Variants in KCNN2 observed in about 807,000 individuals in gnomAD.
The protein encoded by KCNN2 is small conductance calcium-activated potassium channel protein 2.
A neutral mutation model predicts 55.5 loss-of-function variants in KCNN2; 24 were observed. That is an observed-to-expected ratio of 0.43 (90% CI 0.31 to 0.61). The LOEUF (loss-of-function observed/expected upper bound fraction) is 0.61. Ranked by LOEUF, KCNN2 falls within the 20% of genes least tolerant of loss-of-function variation. KCNN2 has a pLI of 0.08. For missense variants in KCNN2, 754 were observed against 853.6 expected (o/e 0.88, Z 1.45); for synonymous variants, 431 against 336.1 (o/e 1.28, Z -3.09).
intron 1 of KCNN2, among the ~76,000 whole-genome samples, chr5:114,106,545 GT>G (rs1051958760): frequency 3.5e-5 from 5 of 143,834 alleles, no homozygotes; most frequent in East Asian, 2.1e-4. Flanking sequence ...ATTCTTGTTT[GT>G]TTTTTTTAAA....
chr5:114,486,749 C>T (rs1253730085), intron 5 of KCNN2: 5 of 1,298,918 alleles, frequency 3.8e-6, no homozygotes, highest in East Asian at 1.0e-4. Context: ...GAGAACTCAA[C>T]ACCCCTTGAT....
intron 3 of KCNN2, among the ~76,000 whole-genome samples, chr5:114,434,825 C>T (rs1267038406): frequency 6.6e-6 from 1 of 152,094 alleles, no homozygotes; most frequent in Non-Finnish European, 1.5e-5. Context: ...CCAGATCACT[C>T]CGGGGGGAGA....
chr5:114,214,613 C>T (rs1273253900), intron 1 of KCNN2, among the ~76,000 whole-genome samples: 1 of 152,030 alleles, frequency 6.6e-6, no homozygotes, highest in Non-Finnish European at 1.5e-5. Context: ...GGAGGACTCC[C>T]CACAATTCCT....
At chr5:114,435,411 C>A (rs1167537740) in intron 3 of KCNN2, among the ~76,000 whole-genome samples, 1 of 151,272 alleles carries the variant, frequency 6.6e-6, no homozygotes, top group Non-Finnish European at 1.5e-5. Context: ...TTTTTATTTT[C>A]TTGTTGTGAG....
intron 2 of KCNN2, among the ~76,000 whole-genome samples, chr5:114,355,987 A>G (rs1477148785): frequency 6.6e-6 from 1 of 152,122 alleles, no homozygotes; most frequent in African/African-American, 2.4e-5. Context: ...CAACAAGAGG[A>G]CAATAGTTAA....
chr5:114,487,290 TC>T, intron 6 of KCNN2, 113 bp downstream of exon 6: 1 of 931,742 alleles, frequency 1.1e-6, no homozygotes, highest in Non-Finnish European at 1.6e-6. Flanking sequence ...TCATGTTTAT[TC>T]CCAGAAGATG....
chr5:114,106,706 A>G (rs1329789753), intron 1 of KCNN2, among the ~76,000 whole-genome samples: 3 of 145,616 alleles, frequency 2.1e-5, no homozygotes, highest in South Asian at 4.3e-4. Context: ...TGCCTGCTGC[A>G]TACTTTTACT....
At chr5:114,433,102 C>T (rs1488694671) in intron 3 of KCNN2, among the ~76,000 whole-genome samples, 1 of 152,238 alleles carries the variant, frequency 6.6e-6, no homozygotes, top group East Asian at 1.9e-4. Flanking sequence ...GCTCCACCTG[C>T]AGCCCCTGTG....
chr5:114,474,698 A>T (rs1472190772), intron 5 of KCNN2, among the ~76,000 whole-genome samples: 1 of 152,192 alleles, frequency 6.6e-6, no homozygotes, highest in Non-Finnish European at 1.5e-5. Context: ...ATGCTGGGAC[A>T]ATTTGTGTTT....
chr5:114,266,071 TA>T (rs1755203322), intron 2 of KCNN2, among the ~76,000 whole-genome samples: 1 of 152,208 alleles, frequency 6.6e-6, no homozygotes, highest in African/African-American at 2.4e-5. Flanking sequence ...ATTCTATTTT[TA>T]TTTTTTAATA....
chr5:114,142,466 T>G (rs62382863), intron 1 of KCNN2, among the ~76,000 whole-genome samples: 2 of 152,010 alleles, frequency 1.3e-5, no homozygotes, highest in African/African-American at 4.8e-5. Flanking sequence ...ATATTTAGAA[T>G]ACGCCATCAT....
At chr5:114,429,135 G>T (rs1045590222) in intron 3 of KCNN2, among the ~76,000 whole-genome samples, 4 of 152,000 alleles carry the variant, frequency 2.6e-5, no homozygotes, top group African/African-American at 9.7e-5. Flanking sequence ...GTTTTGTAAG[G>T]AACTGAAAAA....
At chr5:114,091,545 C>A (rs1751144222) in intron 1 of KCNN2, among the ~76,000 whole-genome samples, 2 of 152,136 alleles carry the variant, frequency 1.3e-5, no homozygotes, top group South Asian at 4.1e-4. Context: ...TTCCCTTAAG[C>A]TAATGAAAGA....
chr5:114,299,266 G>A (rs1427202223), intron 2 of KCNN2, among the ~76,000 whole-genome samples: 1 of 152,070 alleles, frequency 6.6e-6, no homozygotes, highest in Non-Finnish European at 1.5e-5. Flanking sequence ...CAAATATCCT[G>A]TTGGGAGCAA....
At chr5:114,413,388 G>A (rs369196534) in intron 3 of KCNN2, among the ~76,000 whole-genome samples, 62 of 152,176 alleles carry the variant, frequency 4.1e-4, no homozygotes, top group Admixed American at 1.2e-3. Context: ...GCGTTCAAGC[G>A]ATTCTCCTGC....
At chr5:114,494,680 C>CTGTT (rs1748027935) in intron 7 of KCNN2, among the ~76,000 whole-genome samples, 1 of 151,970 alleles carries the variant, frequency 6.6e-6, no homozygotes, top group Non-Finnish European at 1.5e-5. Context: ...AGGCAAGATG[C>CTGTT]TGTTTCTTTA....
intron 1 of KCNN2, among the ~76,000 whole-genome samples, chr5:114,168,112 A>T (rs1291371281): frequency 6.6e-6 from 1 of 151,328 alleles, no homozygotes; most frequent in East Asian, 1.9e-4. Context: ...TTAAGTTTTA[A>T]ATATATGTAG....
chr5:114,260,361 C>T (rs1240063230), intron 2 of KCNN2, among the ~76,000 whole-genome samples: 1 of 152,206 alleles, frequency 6.6e-6, no homozygotes, highest in African/African-American at 2.4e-5. Flanking sequence ...TTGCTCTATA[C>T]CTCAGCCTCA....
At chr5:114,088,605 GT>G (rs1475458033) in intron 1 of KCNN2, among the ~76,000 whole-genome samples, 1 of 151,620 alleles carries the variant, frequency 6.6e-6, no homozygotes, top group African/African-American at 2.4e-5. Context: ...TTTTATTTTT[GT>G]TTTTTGTTGT....
Sources: gnomAD v4.1 joint callset for allele counts (sites outside exome capture counted in the v4.1 genomes callset) on GRCh38, gnomAD v4.1.1 for gene constraint, MANE v1.5 for transcripts, NCBI Gene and HGNC (gene_info 2026-07-23, HGNC 2026-07-21) for gene names.